Variants in RUFY2 observed in about 807,000 individuals in gnomAD.
RUFY2 encodes the protein RUN and FYVE domain containing 2.
In RUFY2, 49 loss-of-function variants were observed where a neutral mutation model predicts 94.4. That is an observed-to-expected ratio of 0.52 (90% CI 0.41 to 0.66). The LOEUF (loss-of-function observed/expected upper bound fraction) is 0.66, where lower values mean the gene tolerates loss of function less well. RUFY2 is among the 30% of genes least tolerant of loss of function. The pLI is 0.00. For synonymous variants in RUFY2, 255 were observed against 235.7 expected (o/e 1.08, Z -0.75); for missense variants, 541 against 692.8 (o/e 0.78, Z 2.46).
intron 4 of RUFY2, among the ~76,000 whole-genome samples, chr10:68,396,147 C>T (rs773828246): frequency 4.6e-5 from 7 of 152,224 alleles, no homozygotes; most frequent in African/African-American, 1.2e-4. Context: ...TACAGGCATG[C>T]GCCACCACAC....
chr10:68,359,582 T>A (rs921798093), intron 15 of RUFY2, among the ~76,000 whole-genome samples: 4 of 146,448 alleles, frequency 2.7e-5, no homozygotes, highest in Non-Finnish European at 1.5e-5. Context: ...CTACTATATA[T>A]AAATATACAT....
chr10:68,398,844 T>A (rs891040425), intron 3 of RUFY2, among the ~76,000 whole-genome samples: 2 of 152,030 alleles, frequency 1.3e-5, no homozygotes, highest in African/African-American at 4.8e-5. Flanking sequence ...ATGAACACCA[T>A]CAGAAAACAG....
rs1225931829 is a variant in RUFY2, at chr10:68,344,980, A to G, written c.*788T>C. 6.6e-6 allele frequency: 1 copy of G among 152,156 alleles called. No individual in the cohort carries two copies. Among genetic ancestry groups the G allele is most frequent in the Admixed American group, 6.5e-5 (1 of 15,278 alleles). 9.4% of individuals were successfully genotyped at this position (152,156 alleles called of 1,614,324 possible). ...TATTACATACTTTTTTTTCTGGGGA[A>G]GGATTTGTGTTTTCATCTTTGAATT... On this transcript the variant is annotated 3_prime_UTR_variant, in exon 18 of 18. Transcript: ENST00000602465.
At chr10:68,354,538 G>C (rs778898973) in intron 16 of RUFY2, among the ~76,000 whole-genome samples, 16 of 152,180 alleles carry the variant, frequency 1.1e-4, no homozygotes, top group Non-Finnish European at 1.8e-4. Flanking sequence ...TGATCACACA[G>C]ACACTGTCCT....
intron 13 of RUFY2, among the ~76,000 whole-genome samples, chr10:68,364,418 A>AAC (rs2047661834): frequency 2.0e-5 from 3 of 152,210 alleles, no homozygotes; most frequent in Non-Finnish European, 4.4e-5. Context: ...CACACACCAT[A>AAC]ATATTAAAAC....
Position 68,343,833 on chromosome 10 carries a change from A to G in RUFY2, c.*1935T>C, listed in dbSNP as rs34811701. ...TAAAAAAAAAAAAAAAAAAAAAAAA[A>G]GCAAGTCAGTCAGTGTTGATACATG... On this transcript the variant is annotated 3_prime_UTR_variant, in exon 18 of 18. Coordinates refer to ENST00000602465, the MANE Select transcript of RUFY2 (RefSeq NM_001330103.2). The G allele has an allele frequency of 7.1e-5, 10 of 141,534 alleles. No individual in the cohort carries two copies. The East Asian group carries it at 1.0e-3, about 15-fold the overall frequency. The allele number at this position is 141,534 out of a possible 1,614,324, so 8.8% of individuals were successfully genotyped here. A position where few individuals can be genotyped will look rare whatever the true frequency, so the allele number is the denominator to read the frequency against.
At chr10:68,342,215 T>C, downstream of RUFY2, 2 of 541,366 alleles carry the variant, frequency 3.7e-6, no homozygotes, top group South Asian at 3.1e-5. Context: ...GGGAAAATGT[T>C]TTCTGTAGGT....
At chr10:68,395,372 G>A (rs2133101264) in intron 4 of RUFY2, among the ~76,000 whole-genome samples, 1 of 151,920 alleles carries the variant, frequency 6.6e-6, no homozygotes, top group East Asian at 1.9e-4. Context: ...GCAACACTGA[G>A]CCCTGGGACG....
intron 15 of RUFY2, among the ~76,000 whole-genome samples, chr10:68,358,227 T>C (rs2047191493): frequency 6.6e-6 from 1 of 152,018 alleles, no homozygotes; most frequent in Non-Finnish European, 1.5e-5. Context: ...ACAAAAAAAT[T>C]GGAATGACTA....
At chr10:68,361,040 TG>T (rs1236277201) in intron 15 of RUFY2, among the ~76,000 whole-genome samples, 1 of 152,000 alleles carries the variant, frequency 6.6e-6, no homozygotes, top group Non-Finnish European at 1.5e-5. Context: ...CCCAGCACTT[TG>T]GAGGCCAAGG....
At chr10:68,375,969 A>G (rs2048606766) in intron 13 of RUFY2, among the ~76,000 whole-genome samples, 1 of 149,352 alleles carries the variant, frequency 6.7e-6, no homozygotes. Flanking sequence ...GTGTGGTGGC[A>G]CAAGCCTGTA....
In RUFY2 at chr10:68,407,245, C is replaced by A; in HGVS notation, c.-56G>T. ...GGCTCCCTCGGCCTGTCCAGCAGCT[C>A]CTTCCAGGCGCTCGGCGGCCACCAC... On this transcript the variant is annotated 5_prime_UTR_variant, in exon 1 of 18. An upstream open reading frame in the 5' UTR gains an earlier in-frame stop. Coordinates refer to ENST00000602465, the MANE Select transcript of RUFY2 (RefSeq NM_001330103.2). The A allele has an allele frequency of 7.7e-7, 1 of 1,291,270 alleles. No homozygotes were observed. The highest frequency in any genetic ancestry group is 2.2e-5 in the South Asian group (1 of 45,464). 80.0% of individuals were successfully genotyped at this position (1,291,270 alleles called of 1,614,324 possible).
intron 15 of RUFY2, among the ~76,000 whole-genome samples, chr10:68,359,603 C>T (rs10823181): frequency 0.11 from 15,334 of 143,560 alleles, 1,034 homozygotes; most frequent in South Asian, 0.25. Flanking sequence ...AGTAGTAGTG[C>T]TACTATATAT....
intron 14 of RUFY2, 67 bp from the exon 15 acceptor site, chr10:68,363,751 T>G: frequency 9.7e-7 from 1 of 1,034,210 alleles, no homozygotes; most frequent in Non-Finnish European, 1.4e-6. Context: ...AGATTGTACA[T>G]ATACCATTAA....
intron 13 of RUFY2, among the ~76,000 whole-genome samples, chr10:68,372,835 G>A (rs1322116370): frequency 6.6e-6 from 1 of 151,796 alleles, no homozygotes; most frequent in Non-Finnish European, 1.5e-5. Flanking sequence ...CTAAGCCCAG[G>A]AAATCAAGGC....
At position 68,404,730 on chromosome 10, in the gene RUFY2, T is replaced by C. The variant is rs772732981; in HGVS notation, c.119A>G (p.Tyr40Cys). Residue 40 changes from tyrosine to cysteine, a missense_variant, in exon 2 of 18, where the codon TAT (tyrosine) becomes TGT (cysteine). Transcript: ENST00000602465. ...AACAAAGAATTGCTGCAAGGGGGGA[T>C]AGTCAGAATCCAAAGTGCGGCCAAA... ...LSFGRTLDSD[Y>C]PPLQQFFVVM... is the part of the protein sequence containing the mutation. 5 of 1,613,248 alleles carry C rather than the reference T, an allele frequency of 3.1e-6. No homozygotes were observed. The highest frequency in any genetic ancestry group is 1.3e-5 in the African/African-American group (1 of 75,006).
In RUFY2 at chr10:68,366,759, T is replaced by TATATATATATAA. The variant is rs1235098742; in HGVS notation, c.1326-2647_1326-2646insTTATATATATAT. 2.5e-4 allele frequency among the ~76,000 whole-genome samples: 33 copies of TATATATATATAA among 131,844 alleles called. 2 individuals are homozygous for TATATATATATAA. The highest frequency in any genetic ancestry group is 9.8e-4 in the South Asian group (4 of 4,090). The allele number at this position is 131,844 out of a possible 152,430, so 86.5% of individuals were successfully genotyped here. A position where few individuals can be genotyped will look rare whatever the true frequency, so the allele number is the denominator to read the frequency against. On this transcript the variant is annotated intron_variant, in intron 13 of 17. Coordinates refer to ENST00000602465, the MANE Select transcript of RUFY2 (RefSeq NM_001330103.2). ...TCTAAAATATATATATATATATATATAATATTAAATATATTAAATAAATAA... is the reference window on the plus strand; with the variant it reads ...TCTAAAATATATATATATATATATATATATATATATAAAATATTAAATATATTAAATAAATAA...
At chr10:68,406,321 T>C in intron 1 of RUFY2, among the ~76,000 whole-genome samples, 1 of 137,766 alleles carries the variant, frequency 7.3e-6, no homozygotes, top group Admixed American at 7.2e-5. Context: ...GGTGGAAAAA[T>C]GTCCACACAC....
downstream of RUFY2, chr10:68,342,318 G>A (rs983025326): frequency 1.2e-5 from 4 of 336,000 alleles, no homozygotes; most frequent in African/African-American, 6.5e-5. Flanking sequence ...CTAAAGATGT[G>A]CTGCCTTCAT....
Sources: allele counts gnomAD v4.1 joint callset (sites outside exome capture counted in the v4.1 genomes callset), GRCh38; gene constraint gnomAD v4.1.1; transcripts MANE v1.5; gene names NCBI Gene and HGNC (gene_info 2026-07-23, HGNC 2026-07-21).